Variants in STX18 observed in about 807,000 individuals in gnomAD.
STX18 encodes syntaxin-18.
In STX18, 40 loss-of-function variants were observed where a neutral mutation model predicts 50.1. The observed-to-expected ratio is 0.80, with a 90% CI of 0.62 to 1.04. The LOEUF (loss-of-function observed/expected upper bound fraction) is 1.04. Ranked by LOEUF, STX18 falls within the 50% of genes least tolerant of loss-of-function variation. The pLI, the probability that STX18 is intolerant of heterozygous loss-of-function variation, is 0.00. For missense variants in STX18, 410 were observed against 415.8 expected, an observed-to-expected ratio of 0.99 and a Z score of 0.12; for synonymous variants, 158 against 151.8, an observed-to-expected ratio of 1.04 and a Z score of -0.30.
At chr4:4,436,127 G>A (rs1245996270) in intron 6 of STX18, among the ~76,000 whole-genome samples, 1 of 152,226 alleles carries the variant, frequency 6.6e-6, no homozygotes, top group Non-Finnish European at 1.5e-5. Flanking sequence ...AATAGGGGAA[G>A]AGAACGTAAT....
chr4:4,500,335 A>AT (rs1239169776), intron 1 of STX18, among the ~76,000 whole-genome samples: 2 of 152,176 alleles, frequency 1.3e-5, no homozygotes, highest in Non-Finnish European at 2.9e-5. Context: ...GACGGAAAAT[A>AT]TTTTTTTAAA....
At chr4:4,541,669 T>A (rs1390362956) in intron 1 of STX18, 128 bp downstream of exon 1, 1 of 1,041,870 alleles carries the variant, frequency 9.6e-7, no homozygotes, top group Non-Finnish European at 1.3e-6. Context: ...TGAGGCCAAC[T>A]CTTCTGTCCC....
chr4:4,494,316 T>C lies in STX18; in HGVS notation c.169-22610A>G, dbSNP rs148668985. 5.3e-5 allele frequency among the ~76,000 whole-genome samples: 8 copies of C among 152,358 alleles called. No individual in the cohort carries two copies. In the East Asian group the frequency reaches 1.5e-3, roughly 29 times the overall value. On this transcript the variant is annotated intron_variant, in intron 1 of 10. Transcript: ENST00000306200. The stretch of plus-strand genomic sequence containing the variant: ...ATCCTTGCTAATAAAATGAAGAGAC[T>C]GCATTCCCTGATCCCTAAGGTCTAG...
intron 2 of STX18, among the ~76,000 whole-genome samples, chr4:4,461,099 C>G (rs180677393): frequency 3.3e-5 from 5 of 152,244 alleles, no homozygotes; most frequent in East Asian, 1.9e-4. Flanking sequence ...TCCTCCTACT[C>G]TATATTTTGA....
In STX18 at chr4:4,513,157, T is replaced by C. The variant is rs529122676; in HGVS notation, c.168+28640A>G. On this transcript the variant is annotated intron_variant, in intron 1 of 10. Transcript: ENST00000306200. ...CAGACACAGGAAATCCTTCCCTGGT[T>C]GTCTCTTTAGGAAACCTCAGAAATT... is the stretch of plus-strand genomic sequence containing the variant. Among the ~76,000 whole-genome samples, 32 of 152,188 alleles carry C rather than the reference T, an allele frequency of 2.1e-4. No homozygotes were observed. In the East Asian group the frequency reaches 4.6e-3, roughly 22 times the overall value.
chr4:4,503,228 G>A (rs898075909), intron 1 of STX18, among the ~76,000 whole-genome samples: 1 of 152,154 alleles, frequency 6.6e-6, no homozygotes, highest in Non-Finnish European at 1.5e-5. Flanking sequence ...AGGGTTCTCA[G>A]CTCTTAACGT....
chr4:4,453,521 T>C (rs1726875635), intron 5 of STX18: 1 of 184,016 alleles, frequency 5.4e-6, no homozygotes, highest in African/African-American at 2.4e-5. Flanking sequence ...TATTGCACAC[T>C]TTATAGTATA....
chr4:4,526,749 G>A (rs548996738), intron 1 of STX18, among the ~76,000 whole-genome samples: 2 of 148,856 alleles, frequency 1.3e-5, no homozygotes, highest in South Asian at 2.1e-4. Context: ...GCAGGAGGAC[G>A]CTTGAGCCCA....
At chr4:4,423,436 C>G in intron 9 of STX18, 82 bp downstream of exon 9, 1 of 1,370,364 alleles carries the variant, frequency 7.3e-7, no homozygotes, top group South Asian at 1.2e-5. Context: ...AGAGCAGCAG[C>G]CTTTGGGAAA....
intron 1 of STX18, among the ~76,000 whole-genome samples, chr4:4,522,781 A>G (rs544930439): frequency 1.8e-4 from 28 of 152,366 alleles, no homozygotes; most frequent in African/African-American, 6.3e-4. Flanking sequence ...ATAATCCAGC[A>G]AATAATCTGG....
intron 1 of STX18, among the ~76,000 whole-genome samples, chr4:4,527,186 C>T (rs564391408): frequency 2.4e-4 from 37 of 152,278 alleles, no homozygotes; most frequent in African/African-American, 8.7e-4. Context: ...AGTTTCCAAT[C>T]AACCATCACA....
chr4:4,466,459 A>G (rs1466772394), intron 2 of STX18, among the ~76,000 whole-genome samples: 4 of 152,168 alleles, frequency 2.6e-5, no homozygotes, highest in Non-Finnish European at 4.4e-5. Context: ...AAGGGATTTG[A>G]AGAGGGAAGC....
chr4:4,504,300 C>T (rs1204570916), intron 1 of STX18, among the ~76,000 whole-genome samples: 1 of 152,040 alleles, frequency 6.6e-6, no homozygotes, highest in African/African-American at 2.4e-5. Flanking sequence ...GGAAAATGAT[C>T]TATTCAGATT....
intron 1 of STX18, among the ~76,000 whole-genome samples, chr4:4,497,737 C>T (rs1729246287): frequency 6.6e-6 from 1 of 152,160 alleles, no homozygotes; most frequent in Admixed American, 6.5e-5. Context: ...GTCCATATTG[C>T]CTACCATGTT....
At chr4:4,436,845 C>T (rs778719053) in intron 6 of STX18, among the ~76,000 whole-genome samples, 1 of 152,210 alleles carries the variant, frequency 6.6e-6, no homozygotes, top group Non-Finnish European at 1.5e-5. Flanking sequence ...TGACTATATC[C>T]CACCCAATCT....
At chr4:4,539,865 C>A (rs1731499350) in intron 1 of STX18, among the ~76,000 whole-genome samples, 1 of 152,192 alleles carries the variant, frequency 6.6e-6, no homozygotes, top group African/African-American at 2.4e-5. Flanking sequence ...AAGGGCTTGC[C>A]AACCCAACTG....
chr4:4,438,346 A>G, intron 6 of STX18, 48 bp downstream of exon 6: 1 of 1,416,266 alleles, frequency 7.1e-7, no homozygotes. Context: ...TCTTGCCAAC[A>G]TGTCACAAGG....
chr4:4,459,062 G>GCACACACACACACACACACA (rs60704649), intron 3 of STX18, among the ~76,000 whole-genome samples: 20 of 144,280 alleles, frequency 1.4e-4, no homozygotes, highest in African/African-American at 3.1e-4. Flanking sequence ...ACACACACAC[G>GCACACACACACACACACACA]CACACACACA....
chr4:4,450,218 A>G (rs919720753), intron 5 of STX18, among the ~76,000 whole-genome samples: 1 of 152,240 alleles, frequency 6.6e-6, no homozygotes, highest in African/African-American at 2.4e-5. Flanking sequence ...ATCTTTGGAA[A>G]TTGAAAACCG....
Sources: allele counts gnomAD v4.1 joint callset (sites outside exome capture counted in the v4.1 genomes callset), GRCh38; gene constraint gnomAD v4.1.1; transcripts MANE v1.5; gene names NCBI Gene and HGNC (gene_info 2026-07-23, HGNC 2026-07-21).